The following NLRP14 variants were observed in gnomAD, a reference collection of about 807,000 sequenced individuals.
NLRP14 encodes the protein NACHT, LRR and PYD domains-containing protein 14.
In NLRP14, 105 loss-of-function variants were observed where a neutral mutation model predicts 94.7. That is an observed-to-expected ratio of 1.11 (90% CI 0.95 to 1.30). The LOEUF (loss-of-function observed/expected upper bound fraction) is 1.30, where lower values mean the gene tolerates loss of function less well. Ranked by LOEUF, NLRP14 falls within the 50% of genes most tolerant of loss-of-function variation. The probability of loss-of-function intolerance (pLI) is 0.00; values close to 1 mark genes in which losing one functional copy is unlikely to be tolerated. For synonymous variants in NLRP14, 508 were observed against 459.9 expected (o/e 1.10, Z -1.34); for missense variants, 1,362 against 1,254.1 (o/e 1.09, Z -1.30).
chr11:7,056,908 C>A (rs1273092705), intron 6 of NLRP14, among the ~76,000 whole-genome samples: 1 of 151,994 alleles, frequency 6.6e-6, no homozygotes, highest in Non-Finnish European at 1.5e-5. Flanking sequence ...TAATTCTGGG[C>A]TTAGGAGGAA....
At chr11:7,032,711 CT>C (rs143059656) in intron 1 of NLRP14, among the ~76,000 whole-genome samples, 5,636 of 152,012 alleles carry the variant, frequency 0.037, 153 homozygotes, top group East Asian at 0.12. Flanking sequence ...TTGCTTTTTG[CT>C]TTTTTTCCCC....
At chr11:7,070,853 A>G (rs1271759964) in intron 11 of NLRP14, among the ~76,000 whole-genome samples, 1 of 152,236 alleles carries the variant, frequency 6.6e-6, no homozygotes, top group Non-Finnish European at 1.5e-5. Flanking sequence ...ATAATAAACA[A>G]TAAATATGTT....
Position 7,058,337 on chromosome 11 carries a change from C to T in NLRP14, c.2520C>T (p.Ile840=), listed in dbSNP as rs1247737932. ...AGCEYLSLAL[I]SNKRLTHLCL... is the part of the protein sequence containing the mutation. ...GTGAGTATCTTTCTTTGGCTCTCAT[C>T]AGCAATAAAAGACTGACACATTTGT... Residue 840 remains isoleucine, a synonymous_variant, in exon 8 of 12, where the codon ATC becomes ATT. Transcript: ENST00000299481. The T allele has an allele frequency of 1.9e-6, 3 of 1,612,652 alleles. No individual in the cohort carries two copies. The South Asian group carries it at 3.3e-5, about 18-fold the overall frequency.
intron 6 of NLRP14, among the ~76,000 whole-genome samples, chr11:7,054,892 G>A (rs547639325): frequency 6.6e-6 from 1 of 152,146 alleles, no homozygotes; most frequent in East Asian, 1.9e-4. Flanking sequence ...CCAATGTCCT[G>A]GAGCATTTCC....
intron 4 of NLRP14, among the ~76,000 whole-genome samples, chr11:7,044,641 T>C (rs1424371500): frequency 6.6e-6 from 1 of 152,220 alleles, no homozygotes; most frequent in African/African-American, 2.4e-5. Context: ...TCTACCTCCT[T>C]TCTCAAGTTG....
At chr11:7,089,988 C>T in the NLRP14 span, 2 of 1,613,054 alleles carry the variant, frequency 1.2e-6, no homozygotes, top group South Asian at 2.2e-5. Context: ...CGGAGAGCTG[C>T]GCGGCGCCGC....
At chr11:7,068,294 G>A (rs1333346531) in intron 10 of NLRP14, among the ~76,000 whole-genome samples, 1 of 151,998 alleles carries the variant, frequency 6.6e-6, no homozygotes, top group Non-Finnish European at 1.5e-5. Context: ...AAATTCTTGA[G>A]TTGTATGCTT....
chr11:7,069,260 A>G (rs896223494), intron 10 of NLRP14, among the ~76,000 whole-genome samples: 5 of 152,340 alleles, frequency 3.3e-5, no homozygotes, highest in Admixed American at 1.3e-4. Context: ...TAGTGGGACT[A>G]TCTCTTCATC....
chr11:7,029,479 T>A (rs1852061423), intron 1 of NLRP14, among the ~76,000 whole-genome samples: 2 of 152,210 alleles, frequency 1.3e-5, no homozygotes, highest in South Asian at 4.1e-4. Context: ...GCCTCTATCC[T>A]CTTCCACACA....
chr11:7,026,673 TATAA>T (rs2119551978), intron 1 of NLRP14, among the ~76,000 whole-genome samples: 2 of 151,990 alleles, frequency 1.3e-5, no homozygotes, highest in Admixed American at 1.3e-4. Flanking sequence ...CCCAAAGGAT[TATAA>T]ATCATGCTGC....
In NLRP14 at chr11:7,038,665, T is replaced by G. The variant is rs771072431; in HGVS notation, c.79T>G (p.Leu27Val). Residue 27 changes from leucine (L) to valine (V), a missense_variant, in exon 2 of 12, where the codon TTA becomes GTA. Physicochemically the swap from Leu to Val is conservative, Grantham distance 32. Coordinates refer to ENST00000299481, the MANE Select transcript of NLRP14 (RefSeq NM_176822.4). Reference protein sequence around the residue: ...LYLEELNKEELNTFKLFLKET... With the variant: ...LYLEELNKEEVNTFKLFLKET... ...TTTGGAGGAGCTAAACAAAGAGGAATTAAATACATTCAAGTTATTCCTAAA... is the reference window on the plus strand; with the variant it reads ...TTTGGAGGAGCTAAACAAAGAGGAAGTAAATACATTCAAGTTATTCCTAAA... 6.2e-7 allele frequency: 1 copy of G among 1,613,838 alleles called. No homozygotes were observed. The highest frequency in any genetic ancestry group is 2.2e-5 in the East Asian group (1 of 44,886).
downstream of NLRP14, among the ~76,000 whole-genome samples, chr11:7,075,435 C>G (rs1279206512): frequency 6.6e-6 from 1 of 152,128 alleles, no homozygotes; most frequent in African/African-American, 2.4e-5. Context: ...AACCAATTAT[C>G]TCAATTTACA....
chr11:7,034,298 C>T (rs1256174609), intron 1 of NLRP14, among the ~76,000 whole-genome samples: 2 of 152,126 alleles, frequency 1.3e-5, no homozygotes, highest in Admixed American at 6.6e-5. Flanking sequence ...CCATCAGGAG[C>T]TCTTTCTGGT....
In NLRP14 at chr11:7,071,376, A is replaced by C. The variant is rs1476431690; in HGVS notation, c.*68A>C. On this transcript the variant is annotated 3_prime_UTR_variant, in exon 12 of 12. Coordinates refer to ENST00000299481, the MANE Select transcript of NLRP14 (RefSeq NM_176822.4). ...CATACATACATAGATATATACCCAGACTTGGGTGCTTAGCTTCAGATACTC... is the reference window on the plus strand; with the variant it reads ...CATACATACATAGATATATACCCAGCCTTGGGTGCTTAGCTTCAGATACTC... 1.5e-6 allele frequency: 2 copies of C among 1,338,126 alleles called. No individual in the cohort carries two copies. Among genetic ancestry groups the C allele is most frequent in the African/African-American group, 1.5e-5 (1 of 68,140 alleles). The allele number at this position is 1,338,126 out of a possible 1,614,324, so 82.9% of individuals were successfully genotyped here.
the NLRP14 span, among the ~76,000 whole-genome samples, chr11:7,088,598 A>T: frequency 4.6e-5 from 7 of 152,198 alleles, no homozygotes; most frequent in Admixed American, 1.3e-4. Flanking sequence ...TGATTAGTTT[A>T]AAAAGATCAG....
chr11:7,071,069 TAACAG>T, intron 11 of NLRP14, 99 bp from the exon 12 acceptor site: 4 of 1,329,076 alleles, frequency 3.0e-6, no homozygotes, highest in Non-Finnish European at 4.3e-6. Context: ...CTCTCTATTT[TAACAG>T]AACAGTTTTT....
chr11:7,053,134 C>G (rs1003524644), intron 6 of NLRP14, among the ~76,000 whole-genome samples: 1 of 152,040 alleles, frequency 6.6e-6, no homozygotes, highest in Non-Finnish European at 1.5e-5. Context: ...ATATGAAGAA[C>G]AAATTGTGTG....
In NLRP14 at chr11:7,058,450, TGTAA is replaced by T; in HGVS notation, c.2633+3_2633+6del. The T allele has an allele frequency of 1.2e-6, 2 of 1,605,550 alleles. No individual in the cohort carries two copies. Among genetic ancestry groups the T allele is most frequent in the Non-Finnish European group, 1.7e-6 (2 of 1,172,440 alleles). ...GCACAATGTACTCTGAAGAGCCTTGTGTAAGTGTCTTCAAGTTTTTATCCTTAAT... is the reference window on the plus strand; with the variant it reads ...GCACAATGTACTCTGAAGAGCCTTGTGTGTCTTCAAGTTTTTATCCTTAAT... On this transcript the variant is annotated splice_donor_variant and splice_donor_region_variant and intron_variant, in intron 8 of 11. Transcript: ENST00000299481. LOFTEE classifies it high-confidence loss of function.
the NLRP14 span, among the ~76,000 whole-genome samples, chr11:7,084,022 A>G: frequency 6.6e-6 from 1 of 152,220 alleles, no homozygotes; most frequent in African/African-American, 2.4e-5. Context: ...TAAGGAAAAT[A>G]GCACATAATG....
Sources: allele counts gnomAD v4.1 joint callset (sites outside exome capture counted in the v4.1 genomes callset), GRCh38; gene constraint gnomAD v4.1.1; transcripts MANE v1.5; gene names NCBI Gene and HGNC (gene_info 2026-07-23, HGNC 2026-07-21).